Variants in OR2T27 observed in about 807,000 individuals in gnomAD.
OR2T27 encodes the protein olfactory receptor 2T27.
For synonymous variants in OR2T27, 51 were observed against 152.9 expected, an observed-to-expected ratio of 0.33 and a Z score of 4.92; for missense variants, 152 against 397.2, an observed-to-expected ratio of 0.38 and a Z score of 5.25.
At chr1:248,652,019 C>A (rs560715486) in intron 1 of OR2T27, among the ~76,000 whole-genome samples, 104 of 151,598 alleles carry the variant, frequency 6.9e-4, no homozygotes, top group Admixed American at 1.4e-3. Flanking sequence ...AATGTGGTTA[C>A]TAGAAAATTT....
rs1413848269 is a variant in OR2T27, at chr1:248,650,989, T to C, written c.-4-101A>G. On this transcript the variant is annotated intron_variant, in intron 1 of 1. Coordinates refer to ENST00000460972, the MANE Select transcript of OR2T27 (RefSeq NM_001001824.2). ...GAACAAACCAAGGTCAAGTCGATCT[T>C]ATTTCTTGAAGCTCATAATTTCCCT... is the stretch of plus-strand genomic sequence containing the variant. 6 of 40,186 alleles carry C rather than the reference T, an allele frequency of 1.5e-4. 1 individual carries two copies. Among genetic ancestry groups the C allele is most frequent in the African/African-American group, 2.0e-4 (6 of 30,006 alleles). The allele number at this position is 40,186 out of a possible 1,614,324, so 2.5% of individuals were successfully genotyped here. A position where few individuals can be genotyped will look rare whatever the true frequency, so the allele number is the denominator to read the frequency against.
chr1:248,653,263 C>T (rs912967795), intron 1 of OR2T27, among the ~76,000 whole-genome samples: 78 of 132,874 alleles, frequency 5.9e-4, no homozygotes, highest in African/African-American at 2.0e-3. Context: ...ATTTTACAAC[C>T]ATCTTCCAAC....
chr1:248,654,360 TTA>T (rs1395902662), intron 1 of OR2T27, among the ~76,000 whole-genome samples: 4 of 14,166 alleles, frequency 2.8e-4, no homozygotes, highest in African/African-American at 3.1e-4. Flanking sequence ...TTGCTGTCCA[TTA>T]TGTTTTTCTC....
rs1661083715 is a variant in OR2T27 at position 248,654,564 on chromosome 1, TGAG to T, written c.-5+877_-5+879del. On this transcript the variant is annotated intron_variant, in intron 1 of 1. Transcript: ENST00000460972. Reference sequence around the variant, plus strand: ...AACAGGCATAAGAAAGGGAATATCTTGAGAAGACAGGGCTAAATGGTGACCCTG... The same window carrying T: ...AACAGGCATAAGAAAGGGAATATCTTAAGACAGGGCTAAATGGTGACCCTG... Among the ~76,000 whole-genome samples the T allele has an allele frequency of 7.9e-5, 2 of 25,222 alleles. 1 individual carries two copies. Among genetic ancestry groups the T allele is most frequent in the African/African-American group, 9.7e-5 (2 of 20,714 alleles). The allele number at this position is 25,222 out of a possible 152,430, so 16.5% of individuals were successfully genotyped here.
chr1:248,650,212 C>T lies in OR2T27; in HGVS notation c.673G>A (p.Val225Ile), dbSNP rs563007702. 10 of 1,496,428 alleles carry T rather than the reference C, an allele frequency of 6.7e-6. No homozygotes were observed. In the African/African-American group the frequency reaches 9.8e-5, roughly 15 times the overall value. 92.7% of individuals were successfully genotyped at this position (1,496,428 alleles called of 1,614,324 possible). The change falls in exon 2 of 2, where the codon GTT becomes ATT. Residue 225 changes from valine to isoleucine, a missense_variant. Physicochemically the swap from Val to Ile is conservative, Grantham distance 29. Coordinates refer to ENST00000460972, the MANE Select transcript of OR2T27 (RefSeq NM_001001824.2). Reference sequence around the variant, plus strand: ...CCCTCTGCCTCGCTCATCCTATAAACAGTAATGAGAATTCTTGTGTAAGAG... The same window carrying T: ...CCCTCTGCCTCGCTCATCCTATAAATAGTAATGAGAATTCTTGTGTAAGAG... ...SGSYTRILIT[V>I]YRMSEAEGRG... is the part of the protein sequence containing the mutation.
At chr1:248,653,795 G>A in intron 1 of OR2T27, among the ~76,000 whole-genome samples, 1 of 31,880 alleles carries the variant, frequency 3.1e-5, no homozygotes, top group South Asian at 7.7e-3. Context: ...GATTTGTCGA[G>A]ATTAGTCTAT....
chr1:248,653,542 G>A (rs748791248), intron 1 of OR2T27, among the ~76,000 whole-genome samples: 2,942 of 22,126 alleles, frequency 0.13, 869 homozygotes, highest in East Asian at 0.88. Flanking sequence ...TGCTTATAAT[G>A]CAAGTATTGT....
At chr1:248,652,318 T>G (rs536042418) in intron 1 of OR2T27, among the ~76,000 whole-genome samples, 50 of 134,080 alleles carry the variant, frequency 3.7e-4, no homozygotes, top group East Asian at 1.1e-3. Context: ...AGTTGAAAAT[T>G]AGGCTTAAGG....
intron 1 of OR2T27, 102 bp downstream of exon 1, chr1:248,655,342 A>AC (rs1661095134): frequency 7.3e-6 from 1 of 136,718 alleles, no homozygotes; most frequent in Non-Finnish European, 1.6e-5. Flanking sequence ...ATCAACTTCA[A>AC]CATTCTCCAG....
At chr1:248,653,270 C>T (rs1443358896) in intron 1 of OR2T27, among the ~76,000 whole-genome samples, 1 of 128,362 alleles carries the variant, frequency 7.8e-6, no homozygotes, top group East Asian at 2.6e-4. Context: ...AACCATCTTC[C>T]AACTCTGGTA....
At chr1:248,655,277 C>T (rs1309442455) in intron 1 of OR2T27, among the ~76,000 whole-genome samples, 167 bp downstream of exon 1, 2 of 129,484 alleles carry the variant, frequency 1.5e-5, no homozygotes, top group African/African-American at 5.2e-5. Context: ...ATTGAATTAT[C>T]TAAGATTTAT....
In OR2T27 at chr1:248,652,245, TTAA is replaced by T. The variant is rs527604215; in HGVS notation, c.-4-1360_-4-1358del. On this transcript the variant is annotated intron_variant, in intron 1 of 1. Coordinates refer to ENST00000460972, the MANE Select transcript of OR2T27 (RefSeq NM_001001824.2). Reference sequence around the variant, plus strand: ...TCACCCTCAAATAGCAGTAAGAACATTAATAAGTGATTCGTAAATTTTACGTTT... The same window carrying T: ...TCACCCTCAAATAGCAGTAAGAACATTAAGTGATTCGTAAATTTTACGTTT... 4.8e-4 allele frequency among the ~76,000 whole-genome samples: 73 copies of T among 151,622 alleles called. No individual in the cohort carries two copies. The South Asian group carries it at 0.012, about 24-fold the overall frequency.
Position 248,651,634 on chromosome 1 carries a change from T to A in OR2T27, c.-4-746A>T, listed in dbSNP as rs1247298625. On this transcript the variant is annotated intron_variant, in intron 1 of 1. Coordinates refer to ENST00000460972, the MANE Select transcript of OR2T27 (RefSeq NM_001001824.2). ...GAATCCCATTTAACTTATGAAAAAA[T>A]AAACTAGTTTAAGTATTAGACCTAG... 8.6e-5 allele frequency: 6 copies of A among 70,116 alleles called. 2 individuals are homozygous for A. Among genetic ancestry groups the A allele is most frequent in the African/African-American group, 1.7e-4 (6 of 35,436 alleles). 4.3% of individuals were successfully genotyped at this position (70,116 alleles called of 1,614,324 possible). A position where few individuals can be genotyped will look rare whatever the true frequency, so the allele number is the denominator to read the frequency against.
At position 248,650,087 on chromosome 1, in the gene OR2T27, G is replaced by T. The variant is rs1404712868; in HGVS notation, c.798C>A (p.His266Gln). Residue 266 changes from histidine (H) to glutamine (Q), a missense_variant, in exon 2 of 2, where the codon CAC becomes CAA. His to Gln is a conservative substitution (Grantham distance 24). Transcript: ENST00000460972. Reference sequence around the variant, plus strand: ...ATACAGCTTTGTCCTGCTCAGGGGTGTGGTAAGAATGAGGCAGCACGTATG... The same window carrying T: ...ATACAGCTTTGTCCTGCTCAGGGGTTTGGTAAGAATGAGGCAGCACGTATG... ...MYTYVLPHSY[H>Q]TPEQDKAVSA... 1.3e-6 allele frequency: 2 copies of T among 1,572,420 alleles called. No individual in the cohort carries two copies. The highest frequency in any genetic ancestry group is 2.3e-5 in the South Asian group (2 of 88,652).
chr1:248,651,464 T>TA (rs1270988765), intron 1 of OR2T27: 1 of 70,666 alleles, frequency 1.4e-5, no homozygotes, highest in African/African-American at 2.8e-5. Context: ...CTGTGTTGAA[T>TA]AAAAAGAGCT....
In OR2T27 at chr1:248,650,878, G is replaced by A. The variant is rs745646760; in HGVS notation, c.7C>T (p.Gln3Ter). Residue 3 changes from glutamine to a stop codon, truncating the protein, a stop_gained, in exon 2 of 2, where the codon CAG (glutamine) becomes TAG (stop). Coordinates refer to ENST00000460972, the MANE Select transcript of OR2T27 (RefSeq NM_001001824.2). LOFTEE classifies it low-confidence loss of function (END_TRUNC). ...TCGGCATACACGGAATAATTGCTCT[G>A]CTCCATAGCTCTGTAGGGTACACAA... The part of the protein sequence containing the change: ME[Q>*]SNYSVYADFI... The A allele has an allele frequency of 1.9e-6, 3 of 1,538,772 alleles. No homozygotes were observed. The highest frequency in any genetic ancestry group is 1.8e-6 in the Non-Finnish European group (2 of 1,134,906).
Position 248,650,725 on chromosome 1 carries a change from G to C in OR2T27, c.160C>G (p.Arg54Gly), listed in dbSNP as rs375372689. ...VKIILIHIDSRLHTPMYFLLS... is the reference protein window; with the variant it reads ...VKIILIHIDSGLHTPMYFLLS... Reference sequence around the variant, plus strand: ...AGGAAGTACATGGGGGTGTGGAGGCGGGAGTCTATGTGGATGAGAATGATC... The same window carrying C: ...AGGAAGTACATGGGGGTGTGGAGGCCGGAGTCTATGTGGATGAGAATGATC... The change falls in exon 2 of 2, where the codon CGC becomes GGC. Residue 54 changes from arginine (R) to glycine (G), a missense_variant. Coordinates refer to ENST00000460972, the MANE Select transcript of OR2T27 (RefSeq NM_001001824.2). The C allele has an allele frequency of 1.3e-6, 2 of 1,493,360 alleles. No individual in the cohort carries two copies. Among genetic ancestry groups the C allele is most frequent in the African/African-American group, 2.7e-5 (2 of 73,218 alleles). 92.5% of individuals were successfully genotyped at this position (1,493,360 alleles called of 1,614,324 possible).
At chr1:248,653,544 A>AGT (rs1313060038) in intron 1 of OR2T27, among the ~76,000 whole-genome samples, 1 of 18,166 alleles carries the variant, frequency 5.5e-5, no homozygotes, top group African/African-American at 5.9e-5. Context: ...CTTATAATGC[A>AGT]AGTATTGTGA....
chr1:248,653,806 AGATTTT>A (rs1205877987), intron 1 of OR2T27, among the ~76,000 whole-genome samples: 1 of 26,758 alleles, frequency 3.7e-5, no homozygotes, highest in Admixed American at 8.4e-4. Context: ...ATTAGTCTAT[AGATTTT>A]TATTTTTTAT....
Sources: allele counts gnomAD v4.1 joint callset (sites outside exome capture counted in the v4.1 genomes callset), GRCh38; gene constraint gnomAD v4.1.1; transcripts MANE v1.5; gene names NCBI Gene and HGNC (gene_info 2026-07-23, HGNC 2026-07-21).